TUB: variants seen among roughly 807,000 people sequenced by gnomAD.
TUB encodes the protein tubby protein homolog.
TUB carries 33 observed loss-of-function variants against 59.7 expected under a neutral mutation model. The ratio of observed to expected loss-of-function variants is 0.55; its 90% CI spans 0.42 to 0.74. TUB has a LOEUF of 0.74. Among genes scored for constraint, TUB ranks in the 30% least tolerant of loss-of-function variants. The pLI is 0.00. For synonymous variants in TUB, 293 were observed against 256.4 expected, an observed-to-expected ratio of 1.14 and a Z score of -1.36; for missense variants, 659 against 672.0, an observed-to-expected ratio of 0.98 and a Z score of 0.21.
In TUB at chr11:8,097,695, C is replaced by T. The variant is rs769913164; in HGVS notation, c.886-19C>T. On this transcript the variant is annotated intron_variant, in intron 7 of 11. Transcript: ENST00000299506. Reference sequence around the variant, plus strand: ...ACCAGAGGCTGAGTCTGGAATATGACCTCATTCCACTCCCCAAGGTGTTCC... The same window carrying T: ...ACCAGAGGCTGAGTCTGGAATATGATCTCATTCCACTCCCCAAGGTGTTCC... The T allele has an allele frequency of 4.3e-5, 68 of 1,587,730 alleles. 2 individuals carry two copies. In the South Asian group the frequency reaches 4.8e-4, roughly 11 times the overall value.
Position 8,102,855 on chromosome 11 carries a change from A to G in TUB, c.*1236A>G, listed in dbSNP as rs563579236. Reference sequence around the variant, plus strand: ...GTTAATGGCAGCATTCAGAACTTCAAGTTCTCTTGATTTCTTTGTTCCCAC... The same window carrying G: ...GTTAATGGCAGCATTCAGAACTTCAGGTTCTCTTGATTTCTTTGTTCCCAC... On this transcript the variant is annotated 3_prime_UTR_variant, in exon 12 of 12. Coordinates refer to ENST00000299506, the MANE Select transcript of TUB (RefSeq NM_177972.3). 6.6e-6 allele frequency: 1 copy of G among 152,290 alleles called. No individual in the cohort carries two copies. Among genetic ancestry groups the G allele is most frequent in the African/African-American group, 2.4e-5 (1 of 41,556 alleles). The allele number at this position is 152,290 out of a possible 1,614,324, so 9.4% of individuals were successfully genotyped here.
At chr11:8,093,297 G>C (rs935927006) in intron 3 of TUB, among the ~76,000 whole-genome samples, 2 of 152,164 alleles carry the variant, frequency 1.3e-5, no homozygotes, top group Non-Finnish European at 2.9e-5. Context: ...CCTGTGGCAA[G>C]AGGGAGTGCA....
rs568614771 is a variant in TUB at position 8,032,319 on chromosome 11, G to A, written c.56+12961G>A. On this transcript the variant is annotated intron_variant, in intron 1 of 11. Transcript: ENST00000534099. ...TACAAGGCAGCAGTGAAGTAGGCTC[G>A]TAGCCGGTGAACACCTGGTACTTGT... Among the ~76,000 whole-genome samples the A allele has an allele frequency of 1.7e-4, 26 of 152,306 alleles. No individual in the cohort carries two copies. In the Middle Eastern group the frequency reaches 0.017, roughly 100 times the overall value.
rs1387404034 is a variant in TUB, at chr11:8,102,463, T to C, written c.*844T>C. Reference sequence around the variant, plus strand: ...GTCAGCTTCCCCAGGAGCTCTCTGCTGAGCAGCCCAGCACAACCCCCAGGA... The same window carrying C: ...GTCAGCTTCCCCAGGAGCTCTCTGCCGAGCAGCCCAGCACAACCCCCAGGA... On this transcript the variant is annotated 3_prime_UTR_variant, in exon 12 of 12. Transcript: ENST00000299506. The C allele has an allele frequency of 6.6e-6, 1 of 152,220 alleles. No individual in the cohort carries two copies. The highest frequency in any genetic ancestry group is 2.4e-5 in the African/African-American group (1 of 41,422). 9.4% of individuals were successfully genotyped at this position (152,220 alleles called of 1,614,324 possible).
In TUB at chr11:8,084,637, G is replaced by C. The variant is rs7932468; in HGVS notation, c.38+3089G>C. Among the ~76,000 whole-genome samples the C allele has an allele frequency of 3.7e-3, 560 of 152,280 alleles. 1 individual carries two copies. Among genetic ancestry groups the C allele is most frequent in the Non-Finnish European group, 5.6e-3 (381 of 68,032 alleles). On this transcript the variant is annotated intron_variant, in intron 1 of 11. Coordinates refer to ENST00000299506, the MANE Select transcript of TUB (RefSeq NM_177972.3). Reference sequence around the variant, plus strand: ...TCTCTCACTTGGTCATGAACTAATTGAGATCAGGGAACTTATCTGGTTCCT... The same window carrying C: ...TCTCTCACTTGGTCATGAACTAATTCAGATCAGGGAACTTATCTGGTTCCT...
rs371317473 is a variant in TUB, at chr11:8,090,274, G to A, written c.253+43G>A. On this transcript the variant is annotated intron_variant, in intron 3 of 11. Coordinates refer to ENST00000299506, the MANE Select transcript of TUB (RefSeq NM_177972.3). Reference sequence around the variant, plus strand: ...CCCCACATCCCGTCACTGCTTCGGGGAGCCCGTCACTTCCTGCCCACCTAG... The same window carrying A: ...CCCCACATCCCGTCACTGCTTCGGGAAGCCCGTCACTTCCTGCCCACCTAG... The A allele has an allele frequency of 1.3e-5, 21 of 1,602,446 alleles. No individual in the cohort carries two copies. The African/African-American group carries it at 2.5e-4, about 19-fold the overall frequency.
chr11:8,083,059 C>T (rs1943600204), intron 1 of TUB, among the ~76,000 whole-genome samples: 1 of 152,230 alleles, frequency 6.6e-6, no homozygotes, highest in Admixed American at 6.5e-5. Flanking sequence ...GACAGACGTC[C>T]AGGCTGGGGC....
At chr11:8,089,809 C>A in intron 2 of TUB, 148 bp downstream of exon 2, 1 of 1,148,764 alleles carries the variant, frequency 8.7e-7, no homozygotes. Context: ...CACTCTCTCC[C>A]AGCTCAGCAC....
chr11:8,069,025 A>G (rs925840048), intron 2 of TUB: 8 of 152,202 alleles, frequency 5.3e-5, no homozygotes, highest in African/African-American at 1.9e-4. Flanking sequence ...TGAATCCCAG[A>G]AGACTGAGCA....
intron 1 of TUB, chr11:8,039,621 G>A: frequency 1.4e-6 from 2 of 1,476,248 alleles, no homozygotes; most frequent in South Asian, 1.5e-5. Context: ...GATGTGGAGA[G>A]TCACCCCTTC....
At chr11:8,098,962 T>A (rs750199205) in intron 9 of TUB, 87 bp downstream of exon 9, 1 of 968,810 alleles carries the variant, frequency 1.0e-6, no homozygotes, top group South Asian at 1.4e-5. Context: ...ATCCCATCCA[T>A]CTTAGTGGGT....
intron 1 of TUB, among the ~76,000 whole-genome samples, chr11:8,085,883 A>G (rs760244693): frequency 1.1e-4 from 17 of 152,264 alleles, no homozygotes; most frequent in Non-Finnish European, 1.8e-4. Context: ...CTTGTTGTCA[A>G]TCGTGGATGA....
Position 8,081,386 on chromosome 11 carries a change from G to A in TUB, c.-125G>A. 3 of 1,000,836 alleles carry A rather than the reference G, an allele frequency of 3.0e-6. No individual in the cohort carries two copies. The highest frequency in any genetic ancestry group is 4.5e-5 in the South Asian group (1 of 22,140). 62.0% of individuals were successfully genotyped at this position (1,000,836 alleles called of 1,614,324 possible). On this transcript the variant is annotated 5_prime_UTR_variant, in exon 1 of 12. Transcript: ENST00000299506. ...CTGGCGTGCAGCGCGGGCCTCGGCG[G>A]GGCCCAGCGCCCCGGCCCGGGAGGA...
chr11:8,068,164 G>C (rs1943282892), intron 2 of TUB: 1 of 152,238 alleles, frequency 6.6e-6, no homozygotes, highest in South Asian at 2.1e-4. Context: ...ACACAGTTAG[G>C]CAGAGCCCGG....
At chr11:8,031,982 T>A (rs1004888352) in intron 1 of TUB, among the ~76,000 whole-genome samples, 8 of 152,136 alleles carry the variant, frequency 5.3e-5, no homozygotes, top group Admixed American at 2.6e-4. Context: ...CCTGCCTAGC[T>A]CTGGGAGTTT....
intron 2 of TUB, among the ~76,000 whole-genome samples, chr11:8,051,116 T>G (rs1185946019): frequency 1.3e-5 from 2 of 152,182 alleles, no homozygotes; most frequent in African/African-American, 4.8e-5. Flanking sequence ...GCTTTGTGTT[T>G]TGCTCTTTGT....
chr11:8,096,731 G>C lies in TUB; in HGVS notation c.612G>C (p.Glu204Asp). 6.2e-7 allele frequency: 1 copy of C among 1,614,078 alleles called. No individual in the cohort carries two copies. The highest frequency in any genetic ancestry group is 8.5e-7 in the Non-Finnish European group (1 of 1,179,974). ...TTGACGAGGATGAGGAGGATGAGGA[G>C]GAGAATAGCTCCAGCTCCTCCCAGC... ...MSFDEDEEDE[E>D]ENSSSSSQLN... The change falls in exon 6 of 12, where the codon GAG (glutamate) becomes GAC (aspartate). Residue 204 changes from glutamate to aspartate, a missense_variant. Physicochemically the swap from Glu to Asp is conservative, Grantham distance 45. This residue lies in a region of TUB where 321 missense variants were observed against 304.3 expected (regional missense o/e 1.05). Transcript: ENST00000299506.
intron 1 of TUB, among the ~76,000 whole-genome samples, chr11:8,027,523 A>G (rs1456481033): frequency 6.6e-6 from 1 of 151,778 alleles, no homozygotes; most frequent in Non-Finnish European, 1.5e-5. Context: ...TTATTGATTT[A>G]TTTATTTTTG....
At chr11:8,052,337 T>A (rs1211126968) in intron 2 of TUB, among the ~76,000 whole-genome samples, 1 of 152,220 alleles carries the variant, frequency 6.6e-6, no homozygotes, top group Non-Finnish European at 1.5e-5. Flanking sequence ...AGGATGTTAA[T>A]ATAAGTAAAA....
Sources: gnomAD v4.1 joint callset for allele counts (sites outside exome capture counted in the v4.1 genomes callset) on GRCh38, gnomAD v4.1.1 for gene constraint, gnomAD v4.1.1 regional missense constraint, MANE v1.5 for transcripts, NCBI Gene and HGNC (gene_info 2026-07-23, HGNC 2026-07-21) for gene names.